The following STXBP4 variants were observed in gnomAD, a reference collection of about 807,000 sequenced individuals.
STXBP4 encodes the protein syntaxin binding protein 4.
A neutral mutation model predicts 76.1 loss-of-function variants in STXBP4; 55 were observed. The ratio of observed to expected loss-of-function variants is 0.72; its 90% CI spans 0.58 to 0.91. STXBP4 has a LOEUF of 0.91. STXBP4 is among the 40% of genes least tolerant of loss of function. The probability of loss-of-function intolerance (pLI) is 0.00; values close to 1 mark genes in which losing one functional copy is unlikely to be tolerated. For synonymous variants in STXBP4, 201 were observed against 220.2 expected (o/e 0.91, Z 0.77); for missense variants, 618 against 636.9 (o/e 0.97, Z 0.32).
At chr17:54,980,777 T>G (rs2077539535) in intron 1 of STXBP4, among the ~76,000 whole-genome samples, 1 of 152,200 alleles carries the variant, frequency 6.6e-6, no homozygotes, top group Non-Finnish European at 1.5e-5. Flanking sequence ...CCAGACCCTA[T>G]TCTCCTGCCT....
chr17:55,182,947 C>G, the STXBP4 span, among the ~76,000 whole-genome samples: 1 of 151,682 alleles, frequency 6.6e-6, no homozygotes, highest in East Asian at 1.9e-4. Flanking sequence ...TTTTAAGAAA[C>G]AAGTTACTCC....
At chr17:55,192,349 AT>A in the STXBP4 span, among the ~76,000 whole-genome samples, 4 of 152,156 alleles carry the variant, frequency 2.6e-5, no homozygotes, top group East Asian at 7.7e-4. Flanking sequence ...CCACTGTAAA[AT>A]GTATGGCATG....
intron 1 of STXBP4, among the ~76,000 whole-genome samples, chr17:54,974,604 T>C (rs2077442327): frequency 6.6e-6 from 1 of 152,252 alleles, no homozygotes; most frequent in African/African-American, 2.4e-5. Flanking sequence ...CACAAGGCCC[T>C]ACTCTTAAAA....
chr17:55,180,883 T>G, the STXBP4 span, among the ~76,000 whole-genome samples: 1 of 152,360 alleles, frequency 6.6e-6, no homozygotes, highest in African/African-American at 2.4e-5. Flanking sequence ...GCACCTGCTC[T>G]GTATGGCCTA....
intron 12 of STXBP4, among the ~76,000 whole-genome samples, chr17:55,061,701 T>C (rs190907546): frequency 1.3e-5 from 2 of 152,346 alleles, no homozygotes; most frequent in Admixed American, 1.3e-4. Flanking sequence ...ATGTTGTCAT[T>C]TCAAGAATAT....
At chr17:55,120,424 C>T (rs985798999) in intron 16 of STXBP4, among the ~76,000 whole-genome samples, 2 of 152,168 alleles carry the variant, frequency 1.3e-5, no homozygotes, top group Non-Finnish European at 2.9e-5. Flanking sequence ...GCTTAGGAGG[C>T]AGCTTCCTGC....
intron 11 of STXBP4, chr17:55,044,047 G>A (rs968007850): frequency 1.6e-4 from 26 of 158,188 alleles, no homozygotes; most frequent in Non-Finnish European, 2.1e-4. Context: ...TGTAGAGATG[G>A]TGTCTCACTA....
Position 55,118,418 on chromosome 17 carries a change from A to C in STXBP4, c.1490-22892A>C, listed in dbSNP as rs539312088. On this transcript the variant is annotated intron_variant, in intron 16 of 17. Coordinates refer to ENST00000376352, the MANE Select transcript of STXBP4 (RefSeq NM_178509.6). ...CAGAACAGATTTACTTATTATAACG[A>C]GGAGGATTGCAGACAGGATCAGCTT... is the stretch of plus-strand genomic sequence containing the variant. 2.6e-5 allele frequency among the ~76,000 whole-genome samples: 4 copies of C among 152,136 alleles called. No homozygotes were observed. In the South Asian group the frequency reaches 6.2e-4, roughly 24 times the overall value.
intron 3 of STXBP4, 120 bp from the exon 4 acceptor site, chr17:54,990,705 C>T: frequency 8.1e-7 from 1 of 1,228,408 alleles, no homozygotes; most frequent in Non-Finnish European, 1.1e-6. Context: ...GTCCCTGGTA[C>T]CAAAAAAGGT....
intron 16 of STXBP4, among the ~76,000 whole-genome samples, chr17:55,118,350 G>A (rs967051485): frequency 4.6e-5 from 7 of 151,920 alleles, no homozygotes; most frequent in Non-Finnish European, 1.0e-4. Flanking sequence ...AAGCATTCCA[G>A]ACTGAAGCAA....
In STXBP4 at chr17:55,168,502, G is replaced by A. The variant is rs1349652343; in HGVS notation, c.*8591G>A. 3 of 151,910 alleles carry A rather than the reference G, an allele frequency of 2.0e-5. No individual in the cohort carries two copies. 9.4% of individuals were successfully genotyped at this position (151,910 alleles called of 1,614,324 possible). A position where few individuals can be genotyped will look rare whatever the true frequency, so the allele number is the denominator to read the frequency against. On this transcript the variant is annotated 3_prime_UTR_variant, in exon 18 of 18. Transcript: ENST00000376352. ...CAGTTATAAGACCCATCATTATTTT[G>A]TGTGTAACTGAAAATGAAAAAAAGA...
At chr17:55,112,898 G>T (rs911112593) in intron 16 of STXBP4, among the ~76,000 whole-genome samples, 3 of 152,092 alleles carry the variant, frequency 2.0e-5, no homozygotes, top group Non-Finnish European at 4.4e-5. Context: ...TTCAAAGAAG[G>T]AGTGATAAAT....
intron 16 of STXBP4, among the ~76,000 whole-genome samples, chr17:55,104,762 T>C (rs1186669214): frequency 6.6e-6 from 1 of 152,128 alleles, no homozygotes; most frequent in Non-Finnish European, 1.5e-5. Context: ...GGTTCTGGGC[T>C]TTTTTTGGTT....
intron 12 of STXBP4, among the ~76,000 whole-genome samples, chr17:55,071,465 G>A (rs1038368166): frequency 6.6e-6 from 1 of 152,064 alleles, no homozygotes; most frequent in East Asian, 1.9e-4. Context: ...CAAACTGTTC[G>A]CTCTTCCTAG....
chr17:55,153,556 A>T (rs1382197241), intron 17 of STXBP4, among the ~76,000 whole-genome samples: 1 of 83,948 alleles, frequency 1.2e-5, no homozygotes, highest in African/African-American at 7.4e-5. Context: ...CATATAAATT[A>T]GTTGAAAAAT....
At chr17:54,981,965 C>G (rs1453596880) in intron 1 of STXBP4, among the ~76,000 whole-genome samples, 1 of 152,110 alleles carries the variant, frequency 6.6e-6, no homozygotes, top group African/African-American at 2.4e-5. Flanking sequence ...CCTTGAGATA[C>G]CATTTTCATC....
chr17:54,988,977 T>G (rs1176111245), intron 3 of STXBP4, among the ~76,000 whole-genome samples: 1 of 152,208 alleles, frequency 6.6e-6, no homozygotes, highest in African/African-American at 2.4e-5. Flanking sequence ...TCTATGTGCT[T>G]TTTAAAAAAA....
the STXBP4 span, among the ~76,000 whole-genome samples, chr17:55,180,257 C>G: frequency 6.6e-6 from 1 of 152,192 alleles, no homozygotes; most frequent in Non-Finnish European, 1.5e-5. Flanking sequence ...CTTCCTCTCA[C>G]CTCCATAAGG....
chr17:54,987,519 T>C (rs1463663844), intron 3 of STXBP4, among the ~76,000 whole-genome samples: 1 of 152,226 alleles, frequency 6.6e-6, no homozygotes, highest in African/African-American at 2.4e-5. Context: ...TTTTTTGTTA[T>C]AACTTGTTTT....
Sources: allele counts gnomAD v4.1 joint callset (sites outside exome capture counted in the v4.1 genomes callset), GRCh38; gene constraint gnomAD v4.1.1; transcripts MANE v1.5; gene names NCBI Gene and HGNC (gene_info 2026-07-23, HGNC 2026-07-21).